Variants in EDRF1 observed in about 807,000 individuals in gnomAD.
The protein encoded by EDRF1 is erythroid differentiation-related factor 1.
Under a neutral mutation model 148.7 loss-of-function variants are expected in EDRF1, and 69 were observed. The ratio of observed to expected loss-of-function variants is 0.46; its 90% CI spans 0.38 to 0.57. EDRF1 has a LOEUF of 0.57. EDRF1 is among the 20% of genes least tolerant of loss of function. EDRF1 has a pLI of 0.00. For missense variants in EDRF1, 1,118 were observed against 1,478.7 expected (o/e 0.76, Z 4.00); for synonymous variants, 515 against 532.8 (o/e 0.97, Z 0.46).
At position 125,725,401 on chromosome 10, in the gene EDRF1, C is replaced by G. The variant is rs370611876; in HGVS notation, c.594C>G (p.His198Gln). 4.3e-6 allele frequency: 7 copies of G among 1,613,982 alleles called. No homozygotes were observed. Among genetic ancestry groups the G allele is most frequent in the Non-Finnish European group, 5.9e-6 (7 of 1,179,944 alleles). Reference sequence around the variant, plus strand: ...AGAGGAAGAAAAAGAGCAAAGAGCACTGGTATCAAAAGGCAATTCTTTCCA... The same window carrying G: ...AGAGGAAGAAAAAGAGCAAAGAGCAGTGGTATCAAAAGGCAATTCTTTCCA... ...KWQRKKKSKE[H>Q]WYQKAILSKF... Residue 198 changes from histidine (H) to glutamine (Q), a missense_variant, in exon 5 of 25, where the codon CAC becomes CAG. Physicochemically the swap from His to Gln is conservative, Grantham distance 24. This residue lies in a region of EDRF1 where 954 missense variants were observed against 1,241.4 expected (regional missense o/e 0.77). Coordinates refer to ENST00000356792, the MANE Select transcript of EDRF1 (RefSeq NM_001202438.2).
chr10:125,741,066 A>T lies in EDRF1; in HGVS notation c.2236A>T (p.Thr746Ser). The change falls in exon 17 of 25, where the codon ACA becomes TCA. Residue 746 changes from threonine (T) to serine (S), a missense_variant. Coordinates refer to ENST00000356792, the MANE Select transcript of EDRF1 (RefSeq NM_001202438.2). ...EVLLFLSQYL[T>S]LCGDIQLMLA... is the part of the protein sequence containing the mutation. ...GCTGTTGTTTCTCTCTCAATATTTG[A>T]CACTTTGTGGTGATATCCAACTAAT... 3 of 1,614,024 alleles carry T rather than the reference A, an allele frequency of 1.9e-6. No individual in the cohort carries two copies. The highest frequency in any genetic ancestry group is 2.5e-6 in the Non-Finnish European group (3 of 1,180,024).
chr10:125,752,930 G>T lies in EDRF1; in HGVS notation c.3393+16G>T. The T allele has an allele frequency of 2.5e-6, 4 of 1,578,390 alleles. No individual in the cohort carries two copies. Among genetic ancestry groups the T allele is most frequent in the Non-Finnish European group, 3.5e-6 (4 of 1,148,158 alleles). ...ATTTGGCCAGGTACATGGAGAAAAT[G>T]ACTGTCTTTGGTTTTTGTGTGTCTT... On this transcript the variant is annotated intron_variant, in intron 23 of 24. Transcript: ENST00000356792.
At chr10:125,729,566 G>A in intron 8 of EDRF1, 87 bp downstream of exon 8, 1 of 1,546,504 alleles carries the variant, frequency 6.5e-7, no homozygotes, top group African/African-American at 1.4e-5. Context: ...AGGTTGCAGT[G>A]AGCCAAGATC....
intron 5 of EDRF1, 66 bp downstream of exon 5, chr10:125,725,508 C>T: frequency 6.3e-7 from 1 of 1,599,610 alleles, no homozygotes; most frequent in Non-Finnish European, 8.6e-7. Flanking sequence ...TAGTGTGAAG[C>T]TTAATGAAGT....
chr10:125,725,991 T>C, intron 6 of EDRF1, 153 bp downstream of exon 6: 1 of 878,890 alleles, frequency 1.1e-6, no homozygotes, highest in South Asian at 1.6e-5. Flanking sequence ...TTTATGGAAT[T>C]GGAGAAATAC....
rs752138655 is a variant in EDRF1, at chr10:125,721,380, T to C, written c.285T>C (p.Leu95=). Residue 95 remains leucine, a synonymous_variant, in exon 2 of 25, where the codon CTT becomes CTC. Coordinates refer to ENST00000356792, the MANE Select transcript of EDRF1 (RefSeq NM_001202438.2). ...AKLGPAGTTI[L]GNSKKSKPFS... is the part of the protein sequence containing the mutation. ...TAGGGCCAGCAGGAACTACCATTCT[T>C]GGCAACAGCAAGAAAAGCAAGCCAT... 2 of 1,614,202 alleles carry C rather than the reference T, an allele frequency of 1.2e-6. No homozygotes were observed. Among genetic ancestry groups the C allele is most frequent in the South Asian group, 2.2e-5 (2 of 91,088 alleles).
intron 22 of EDRF1, among the ~76,000 whole-genome samples, chr10:125,751,230 T>A (rs1849619159): frequency 6.6e-6 from 1 of 152,204 alleles, no homozygotes; most frequent in South Asian, 2.1e-4. Context: ...ACAAATTTGC[T>A]AAGATGATAA....
At chr10:125,720,005 C>A (rs997537885) in intron 1 of EDRF1, 90 bp downstream of exon 1, 17 of 1,189,354 alleles carry the variant, frequency 1.4e-5, no homozygotes. Flanking sequence ...CCGGCAGATT[C>A]TGGAGGCTTC....
Position 125,719,737 on chromosome 10 carries a change from C to G in EDRF1, c.-71C>G, listed in dbSNP as rs974517798. 1.4e-5 allele frequency: 18 copies of G among 1,276,884 alleles called. No homozygotes were observed. The highest frequency in any genetic ancestry group is 1.9e-5 in the Non-Finnish European group (17 of 916,294). The allele number at this position is 1,276,884 out of a possible 1,614,324, so 79.1% of individuals were successfully genotyped here. A position where few individuals can be genotyped will look rare whatever the true frequency, so the allele number is the denominator to read the frequency against. ...CCGCGGAGCGTCTCTGGCGCTTACC[C>G]TGCTTTGGGCCTGCGTTGCTGCTGC... is the stretch of plus-strand genomic sequence containing the variant. On this transcript the variant is annotated 5_prime_UTR_variant, in exon 1 of 25. Transcript: ENST00000356792.
chr10:125,744,537 C>T (rs934022154), intron 18 of EDRF1, among the ~76,000 whole-genome samples: 4 of 152,070 alleles, frequency 2.6e-5, no homozygotes, highest in Admixed American at 2.0e-4. Flanking sequence ...ACAAATGTTG[C>T]CCTCAAAGAG....
chr10:125,720,862 T>G (rs1847960554), intron 1 of EDRF1, among the ~76,000 whole-genome samples: 1 of 152,100 alleles, frequency 6.6e-6, no homozygotes, highest in African/African-American at 2.4e-5. Context: ...GAAAATAGGC[T>G]TTACTAAAGT....
intron 9 of EDRF1, chr10:125,731,855 ATCT>A (rs1198843654): frequency 2.2e-6 from 1 of 452,290 alleles, no homozygotes; most frequent in Non-Finnish European, 4.5e-6. Context: ...ACCTTATTTG[ATCT>A]TCTTAGCTAC....
intron 6 of EDRF1, among the ~76,000 whole-genome samples, chr10:125,727,560 C>CT (rs765209782): frequency 7.2e-5 from 11 of 152,184 alleles, no homozygotes; most frequent in Non-Finnish European, 1.6e-4. Context: ...GAGTTGATAA[C>CT]TTGTCTGTGT....
At chr10:125,743,541 C>A (rs1327816555) in intron 18 of EDRF1, among the ~76,000 whole-genome samples, 1 of 152,130 alleles carries the variant, frequency 6.6e-6, no homozygotes, top group Non-Finnish European at 1.5e-5. Context: ...AGCCATGTGC[C>A]AGGCTCTATG....
At chr10:125,738,816 C>T (rs1457654990) in intron 15 of EDRF1, among the ~76,000 whole-genome samples, 1 of 152,088 alleles carries the variant, frequency 6.6e-6, no homozygotes, top group Non-Finnish European at 1.5e-5. Context: ...CTTTTTATCT[C>T]TTTCAAAATG....
intron 4 of EDRF1, among the ~76,000 whole-genome samples, chr10:125,725,009 T>A (rs1397018196): frequency 1.3e-5 from 2 of 152,148 alleles, no homozygotes; most frequent in Non-Finnish European, 2.9e-5. Context: ...TTGTTTGGGG[T>A]TATAAACACA....
chr10:125,723,849 G>A lies in EDRF1; in HGVS notation c.423G>A (p.Ser141=), dbSNP rs761181970. 10 of 1,613,108 alleles carry A rather than the reference G, an allele frequency of 6.2e-6. No homozygotes were observed. The highest frequency in any genetic ancestry group is 1.7e-5 in the Admixed American group (1 of 59,948). Residue 141 remains serine, a synonymous_variant, in exon 4 of 25, where the codon TCG becomes TCA. Coordinates refer to ENST00000356792, the MANE Select transcript of EDRF1 (RefSeq NM_001202438.2). ...KKLLKIPYSK[S]HVSMAVHRIG... is the part of the protein sequence containing the mutation. ...TCCTGAAAATTCCCTACAGCAAGTCGCACGTGAGCATGGCAGTACACCGCA... is the reference window on the plus strand; with the variant it reads ...TCCTGAAAATTCCCTACAGCAAGTCACACGTGAGCATGGCAGTACACCGCA...
At chr10:125,746,175 A>G (rs1433905137) in intron 19 of EDRF1, among the ~76,000 whole-genome samples, 1 of 152,254 alleles carries the variant, frequency 6.6e-6, no homozygotes, top group East Asian at 1.9e-4. Flanking sequence ...ACGAGCATGA[A>G]TGTCAAATGG....
At chr10:125,738,530 C>G in intron 15 of EDRF1, 85 bp downstream of exon 15, 1 of 1,522,814 alleles carries the variant, frequency 6.6e-7, no homozygotes, top group East Asian at 2.3e-5. Context: ...TCAATTAAGG[C>G]ATTAATTGAA....
Sources: allele counts gnomAD v4.1 joint callset (sites outside exome capture counted in the v4.1 genomes callset), GRCh38; gene constraint gnomAD v4.1.1; regional missense constraint gnomAD v4.1.1; transcripts MANE v1.5; gene names NCBI Gene and HGNC (gene_info 2026-07-23, HGNC 2026-07-21).